The following CACNA2D1 variants were observed in gnomAD, a reference collection of about 807,000 sequenced individuals.
The protein encoded by CACNA2D1 is calcium voltage-gated channel auxiliary subunit alpha2delta 1.
Under a neutral mutation model 171.5 loss-of-function variants are expected in CACNA2D1, and 53 were observed. The observed-to-expected ratio is 0.31, with a 90% CI of 0.25 to 0.39. The LOEUF (loss-of-function observed/expected upper bound fraction) is 0.39. CACNA2D1 is among the 10% of genes least tolerant of loss of function. CACNA2D1 has a pLI of 1.00. For missense variants in CACNA2D1, 903 were observed against 1,299.8 expected (o/e 0.69, Z 4.69); for synonymous variants, 442 against 443.1 (o/e 1.00, Z 0.03).
At chr7:82,364,051 T>C (rs1225432857) in intron 1 of CACNA2D1, among the ~76,000 whole-genome samples, 1 of 151,966 alleles carries the variant, frequency 6.6e-6, no homozygotes, top group Non-Finnish European at 1.5e-5. Context: ...CTGGCCAACA[T>C]GGCAAAACCC....
At chr7:82,308,614 C>G (rs1479169617) in intron 3 of CACNA2D1, among the ~76,000 whole-genome samples, 2 of 152,184 alleles carry the variant, frequency 1.3e-5, no homozygotes, top group Admixed American at 1.3e-4. Context: ...AGATTTACAC[C>G]TATAAGAAAA....
chr7:82,278,793 T>C (rs971639547), intron 3 of CACNA2D1, among the ~76,000 whole-genome samples: 1 of 152,096 alleles, frequency 6.6e-6, no homozygotes, highest in Non-Finnish European at 1.5e-5. Flanking sequence ...GAATAGAGGA[T>C]CCAAAATTTA....
chr7:82,181,041 ATTTTTTTTTTTTTTTTTTTTTT>A lies in CACNA2D1; in HGVS notation c.295-10454_295-10433del, dbSNP rs71093367. Among the ~76,000 whole-genome samples the A allele has an allele frequency of 3.4e-3, 47 of 13,962 alleles. 1 individual carries two copies. Among genetic ancestry groups the A allele is most frequent in the Admixed American group, 7.8e-3 (7 of 898 alleles). 9.2% of individuals were successfully genotyped at this position (13,962 alleles called of 152,430 possible). A position where few individuals can be genotyped will look rare whatever the true frequency, so the allele number is the denominator to read the frequency against. Reference sequence around the variant, plus strand: ...GGTCAGCAGCTGTGGGGCATGTCGGATTTTTTTTTTTTTTTTTTTTTTTTTTTTTTTTTTTTGCGTCAGTGAG... The same window carrying A: ...GGTCAGCAGCTGTGGGGCATGTCGGATTTTTTTTTTTTTTGCGTCAGTGAG... On this transcript the variant is annotated intron_variant, in intron 3 of 38. Coordinates refer to ENST00000356860, the MANE Select transcript of CACNA2D1 (RefSeq NM_000722.4).
chr7:81,952,152 T>C (rs1792679334), intron 38 of CACNA2D1, among the ~76,000 whole-genome samples: 1 of 151,200 alleles, frequency 6.6e-6, no homozygotes. Flanking sequence ...TCTATTCATG[T>C]TTTTTGCCCA....
chr7:82,374,053 G>T (rs879811391), intron 1 of CACNA2D1, among the ~76,000 whole-genome samples: 4 of 152,210 alleles, frequency 2.6e-5, no homozygotes, highest in Non-Finnish European at 5.9e-5. Context: ...ACATGGGTCA[G>T]TCCGCACGAA....
intron 3 of CACNA2D1, among the ~76,000 whole-genome samples, chr7:82,210,677 T>C (rs1006625396): frequency 1.3e-5 from 2 of 152,192 alleles, no homozygotes; most frequent in Admixed American, 1.3e-4. Context: ...TATCAAGGGA[T>C]TTCAAAACAT....
At chr7:82,060,190 T>TATATATAA (rs1491114373) in intron 10 of CACNA2D1, among the ~76,000 whole-genome samples, 2 of 13,142 alleles carry the variant, frequency 1.5e-4, no homozygotes, top group South Asian at 4.4e-3. Context: ...TATATATATA[T>TATATATAA]TATATATATA....
intron 3 of CACNA2D1, among the ~76,000 whole-genome samples, chr7:82,174,217 A>G (rs1488595731): frequency 6.6e-6 from 1 of 152,050 alleles, no homozygotes; most frequent in Middle Eastern, 3.4e-3. Flanking sequence ...ATGGCACAGC[A>G]TAATATAGTA....
intron 1 of CACNA2D1, among the ~76,000 whole-genome samples, chr7:82,438,014 C>G (rs970521257): frequency 5.3e-5 from 8 of 152,124 alleles, no homozygotes; most frequent in African/African-American, 1.9e-4. Context: ...TAGTTTCTTT[C>G]TCACACTTGT....
intron 3 of CACNA2D1, among the ~76,000 whole-genome samples, chr7:82,250,611 T>C (rs1462116723): frequency 6.6e-6 from 1 of 152,172 alleles, no homozygotes; most frequent in Non-Finnish European, 1.5e-5. Flanking sequence ...AAGCAATAAT[T>C]TTATGTGTTA....
chr7:82,274,485 A>T (rs1809060310), intron 3 of CACNA2D1, among the ~76,000 whole-genome samples: 1 of 152,184 alleles, frequency 6.6e-6, no homozygotes, highest in African/African-American at 2.4e-5. Context: ...CCTAGAGTGA[A>T]TGCTTCATTT....
intron 3 of CACNA2D1, among the ~76,000 whole-genome samples, chr7:82,232,982 G>A (rs1392682892): frequency 6.8e-6 from 1 of 147,706 alleles, no homozygotes; most frequent in Non-Finnish European, 1.5e-5. Flanking sequence ...ATTAATAAAC[G>A]AATTACACAG....
intron 1 of CACNA2D1, among the ~76,000 whole-genome samples, chr7:82,416,844 A>C (rs544027692): frequency 1.3e-5 from 2 of 152,334 alleles, no homozygotes; most frequent in African/African-American, 4.8e-5. Flanking sequence ...ACTCGACAGC[A>C]GTCTCATATG....
At chr7:81,986,868 G>A (rs1397456935) in intron 21 of CACNA2D1, among the ~76,000 whole-genome samples, 2 of 152,152 alleles carry the variant, frequency 1.3e-5, no homozygotes, top group African/African-American at 4.8e-5. Context: ...AAAATGTACA[G>A]CAGAATTACT....
chr7:82,098,808 T>C (rs1433170496), intron 6 of CACNA2D1, among the ~76,000 whole-genome samples: 1 of 152,202 alleles, frequency 6.6e-6, no homozygotes, highest in African/African-American at 2.4e-5. Context: ...ACTCAATGCA[T>C]GCATGCCAAA....
intron 25 of CACNA2D1, among the ~76,000 whole-genome samples, chr7:81,972,980 A>G (rs1795448686): frequency 6.6e-6 from 1 of 152,030 alleles, no homozygotes; most frequent in African/African-American, 2.4e-5. Context: ...AATCATTTAA[A>G]AAACAGTTCA....
chr7:82,022,014 A>G (rs1385354463), intron 12 of CACNA2D1, among the ~76,000 whole-genome samples: 11 of 151,988 alleles, frequency 7.2e-5, no homozygotes, highest in Admixed American at 3.9e-4. Flanking sequence ...AGTTTACATC[A>G]TATCATATAC....
intron 1 of CACNA2D1, among the ~76,000 whole-genome samples, chr7:82,371,344 T>C (rs1822386266): frequency 6.6e-6 from 1 of 152,122 alleles, no homozygotes; most frequent in Admixed American, 6.5e-5. Context: ...TGAGACGATG[T>C]GAGACAGTTA....
rs753474325 is a variant in CACNA2D1 at position 82,032,916 on chromosome 7, A to C, written c.1039-15T>G. ...GAAACATTATACTGTTAAAAACAAA[A>C]CCAAACAAAACAATATGCGTATTAT... On this transcript the variant is annotated splice_polypyrimidine_tract_variant and intron_variant, in intron 11 of 38. Transcript: ENST00000356860. 9 of 1,321,762 alleles carry C rather than the reference A, an allele frequency of 6.8e-6. No individual in the cohort carries two copies. The African/African-American group carries it at 1.2e-4, about 17-fold the overall frequency. The allele number at this position is 1,321,762 out of a possible 1,614,324, so 81.9% of individuals were successfully genotyped here.
Sources: gnomAD v4.1 joint callset for allele counts (sites outside exome capture counted in the v4.1 genomes callset) on GRCh38, gnomAD v4.1.1 for gene constraint, MANE v1.5 for transcripts, NCBI Gene and HGNC (gene_info 2026-07-23, HGNC 2026-07-21) for gene names.